SH3GL2: variants seen among roughly 807,000 people sequenced by gnomAD.
The protein encoded by SH3GL2 is SH3 domain containing GRB2 like 2, endophilin A1.
SH3GL2 carries 24 observed loss-of-function variants against 46.0 expected under a neutral mutation model. The ratio of observed to expected loss-of-function variants is 0.52; its 90% confidence interval spans 0.38 to 0.73. The LOEUF is 0.73. Ranked by LOEUF, SH3GL2 falls within the 30% of genes least tolerant of loss-of-function variation. The probability of loss-of-function intolerance (pLI) is 0.00; values close to 1 mark genes in which losing one functional copy is unlikely to be tolerated. For synonymous variants in SH3GL2, 196 were observed against 147.1 expected (o/e 1.33, Z -2.40); for missense variants, 413 against 424.2 (o/e 0.97, Z 0.23).
intron 1 of SH3GL2, among the ~76,000 whole-genome samples, chr9:17,661,262 T>A (rs1257180882): frequency 6.6e-6 from 1 of 152,200 alleles, no homozygotes; most frequent in Non-Finnish European, 1.5e-5. Flanking sequence ...CCTGTGCTGT[T>A]GATTTGGATA....
chr9:17,791,901 G>A (rs1824140409), intron 7 of SH3GL2, among the ~76,000 whole-genome samples: 1 of 152,206 alleles, frequency 6.6e-6, no homozygotes, highest in Non-Finnish European at 1.5e-5. Flanking sequence ...GTACCTCACA[G>A]CAGGGCTGTA....
chr9:17,719,111 T>C (rs768230109), intron 1 of SH3GL2, among the ~76,000 whole-genome samples: 6 of 152,106 alleles, frequency 3.9e-5, no homozygotes, highest in Non-Finnish European at 7.4e-5. Context: ...GCTCACTGCA[T>C]ATAATTGGAA....
At chr9:17,676,083 T>G (rs1354018367) in intron 1 of SH3GL2, among the ~76,000 whole-genome samples, 2 of 152,216 alleles carry the variant, frequency 1.3e-5, no homozygotes, top group African/African-American at 4.8e-5. Flanking sequence ...GCAAAAGATT[T>G]GGCTAGAAGA....
At chr9:17,633,443 G>A (rs947518093) in intron 1 of SH3GL2, among the ~76,000 whole-genome samples, 5 of 152,244 alleles carry the variant, frequency 3.3e-5, no homozygotes, top group South Asian at 2.1e-4. Context: ...AGCAAAATAC[G>A]AAATGATCTA....
intron 3 of SH3GL2, among the ~76,000 whole-genome samples, chr9:17,784,499 T>TGCACTGTTTTCATTTTATTC (rs1344894191): frequency 3.3e-5 from 5 of 152,178 alleles, no homozygotes; most frequent in Non-Finnish European, 5.9e-5. Context: ...TTATTTTATT[T>TGCACTGTTTTCATTTTATTC]GCACTGTTTT....
chr9:17,730,110 A>T (rs542285258), intron 1 of SH3GL2, among the ~76,000 whole-genome samples: 86 of 152,156 alleles, frequency 5.7e-4, no homozygotes, highest in African/African-American at 2.0e-3. Context: ...ATGTTTTCCC[A>T]TTTGTTTGTG....
At chr9:17,779,863 A>G (rs1823753682) in intron 3 of SH3GL2, among the ~76,000 whole-genome samples, 3 of 152,130 alleles carry the variant, frequency 2.0e-5, no homozygotes, top group African/African-American at 7.2e-5. Flanking sequence ...GTGTTTCTGC[A>G]GTTGAAGTAC....
chr9:17,623,181 G>A (rs746553065), intron 1 of SH3GL2, among the ~76,000 whole-genome samples: 1 of 150,976 alleles, frequency 6.6e-6, no homozygotes, highest in Non-Finnish European at 1.5e-5. Flanking sequence ...TCCTTCCATC[G>A]GAGTGGGCCC....
chr9:17,676,408 C>A (rs1820610453), intron 1 of SH3GL2, among the ~76,000 whole-genome samples: 1 of 152,120 alleles, frequency 6.6e-6, no homozygotes, highest in Non-Finnish European at 1.5e-5. Flanking sequence ...GAGTTCAAGA[C>A]CAGCCTAGCC....
At chr9:17,639,106 G>A (rs913780548) in intron 1 of SH3GL2, among the ~76,000 whole-genome samples, 1 of 152,168 alleles carries the variant, frequency 6.6e-6, no homozygotes, top group African/African-American at 2.4e-5. Flanking sequence ...TAAATTGTAA[G>A]ATTTGAAATG....
chr9:17,624,895 G>A (rs985776096), intron 1 of SH3GL2, among the ~76,000 whole-genome samples: 1 of 152,174 alleles, frequency 6.6e-6, no homozygotes, highest in Non-Finnish European at 1.5e-5. Context: ...CTTGGTAGAT[G>A]TTGGGTCAAG....
intron 1 of SH3GL2, among the ~76,000 whole-genome samples, chr9:17,681,365 T>C (rs947471290): frequency 1.3e-4 from 20 of 152,180 alleles, no homozygotes; most frequent in African/African-American, 4.8e-4. Context: ...TTGTTGTCAT[T>C]GTATTTTCCG....
At chr9:17,787,602 ACC>A (rs1255080387) in intron 5 of SH3GL2, 89 bp downstream of exon 5, 3 of 1,078,634 alleles carry the variant, frequency 2.8e-6, no homozygotes, top group Non-Finnish European at 4.1e-6. Flanking sequence ...TTTTTAGCTT[ACC>A]CTGTGTGTTG....
intron 1 of SH3GL2, among the ~76,000 whole-genome samples, chr9:17,579,858 A>G (rs893977096): frequency 2.6e-5 from 4 of 152,214 alleles, no homozygotes; most frequent in African/African-American, 4.8e-5. Flanking sequence ...ACCCGCATAC[A>G]TTAACTTTTA....
intron 1 of SH3GL2, among the ~76,000 whole-genome samples, chr9:17,641,239 C>G (rs1047080765): frequency 2.0e-5 from 3 of 152,138 alleles, no homozygotes; most frequent in African/African-American, 7.2e-5. Context: ...TCCAGTCTCT[C>G]AGAAGTTCAT....
intron 3 of SH3GL2, among the ~76,000 whole-genome samples, chr9:17,775,173 G>GT (rs887723093): frequency 3.3e-5 from 5 of 151,658 alleles, no homozygotes; most frequent in African/African-American, 7.3e-5. Flanking sequence ...TTTTCTCTCT[G>GT]TTTTTTTCTA....
chr9:17,592,311 C>G (rs899705520), intron 1 of SH3GL2, among the ~76,000 whole-genome samples: 1 of 152,216 alleles, frequency 6.6e-6, no homozygotes, highest in Non-Finnish European at 1.5e-5. Flanking sequence ...TCTACTGATT[C>G]AGATGCTAAT....
At chr9:17,721,371 T>C (rs1475935908) in intron 1 of SH3GL2, among the ~76,000 whole-genome samples, 2 of 152,102 alleles carry the variant, frequency 1.3e-5, no homozygotes, top group Non-Finnish European at 2.9e-5. Context: ...AGAGATAGTT[T>C]TGATATATAA....
At chr9:17,640,830 A>G (rs996866878) in intron 1 of SH3GL2, among the ~76,000 whole-genome samples, 1 of 152,240 alleles carries the variant, frequency 6.6e-6, no homozygotes, top group Non-Finnish European at 1.5e-5. Flanking sequence ...CAGCTTTAAC[A>G]TATCCTTTAG....
Sources: allele counts gnomAD v4.1 joint callset (sites outside exome capture counted in the v4.1 genomes callset), GRCh38; gene constraint gnomAD v4.1.1; transcripts MANE v1.5; gene names NCBI Gene and HGNC (gene_info 2026-07-23, HGNC 2026-07-21).